Variants in AGTPBP1 observed in about 807,000 individuals in gnomAD.
The protein encoded by AGTPBP1 is ATP/GTP binding carboxypeptidase 1.
A neutral mutation model predicts 143.9 loss-of-function variants in AGTPBP1; 70 were observed. The ratio of observed to expected loss-of-function variants is 0.49; its 90% CI spans 0.40 to 0.59. The LOEUF (loss-of-function observed/expected upper bound fraction) is 0.59. AGTPBP1 is among the 20% of genes least tolerant of loss of function. The pLI is 0.00. For missense variants in AGTPBP1, 1,229 were observed against 1,464.5 expected, an observed-to-expected ratio of 0.84 and a Z score of 2.62; for synonymous variants, 463 against 500.2, an observed-to-expected ratio of 0.93 and a Z score of 0.99.
At chr9:85,746,508 A>C (rs1377705877), upstream of AGTPBP1, among the ~76,000 whole-genome samples, 1 of 152,152 alleles carries the variant, frequency 6.6e-6, no homozygotes, top group Admixed American at 6.6e-5. Flanking sequence ...GCATGCCTGT[A>C]GTCCTAGCTA....
intron 2 of AGTPBP1, among the ~76,000 whole-genome samples, chr9:85,696,015 T>C (rs1235102891): frequency 6.6e-6 from 1 of 152,156 alleles, no homozygotes; most frequent in African/African-American, 2.4e-5. Flanking sequence ...CTAATTTTTA[T>C]ATTTTTAGTA....
intron 13 of AGTPBP1, among the ~76,000 whole-genome samples, chr9:85,633,612 C>T (rs1443923069): frequency 1.3e-5 from 2 of 152,058 alleles, no homozygotes; most frequent in Non-Finnish European, 2.9e-5. Flanking sequence ...GAATTCTAAA[C>T]AGAAAAACAT....
intron 1 of AGTPBP1, among the ~76,000 whole-genome samples, chr9:85,740,943 T>C (rs1824216698): frequency 6.6e-6 from 1 of 152,306 alleles, no homozygotes; most frequent in African/African-American, 2.4e-5. Context: ...GAAAACTCCA[T>C]TCTACAATGA....
At chr9:85,686,657 A>G (rs1835505025) in intron 3 of AGTPBP1, among the ~76,000 whole-genome samples, 1 of 152,192 alleles carries the variant, frequency 6.6e-6, no homozygotes, top group South Asian at 2.1e-4. Context: ...TCTAATATGT[A>G]TAAACATAAC....
chr9:85,726,881 G>T (rs1258296328), intron 1 of AGTPBP1, among the ~76,000 whole-genome samples: 1 of 152,138 alleles, frequency 6.6e-6, no homozygotes, highest in East Asian at 1.9e-4. Context: ...CACACAATTG[G>T]TGGTGAGAAT....
chr9:85,775,019 T>G, the AGTPBP1 span, among the ~76,000 whole-genome samples: 1 of 152,174 alleles, frequency 6.6e-6, no homozygotes, highest in Admixed American at 6.5e-5. Context: ...ATATAAAAAC[T>G]TGGCCAAACA....
intron 20 of AGTPBP1, 120 bp from the exon 21 acceptor site, chr9:85,588,598 C>A: frequency 1.0e-6 from 1 of 967,508 alleles, no homozygotes; most frequent in Non-Finnish European, 1.5e-6. Flanking sequence ...ATTAATAGAA[C>A]CCAATGGTGC....
intron 11 of AGTPBP1, among the ~76,000 whole-genome samples, chr9:85,650,090 C>T (rs1254487175): frequency 1.6e-5 from 2 of 128,998 alleles, no homozygotes; most frequent in Non-Finnish European, 3.1e-5. Flanking sequence ...AAGTGTAGGA[C>T]AATTTCTTGA....
the AGTPBP1 span, chr9:85,753,391 G>T: frequency 6.4e-5 from 104 of 1,613,690 alleles, no homozygotes; most frequent in Non-Finnish European, 8.4e-5. Flanking sequence ...AGGAGAAAAG[G>T]TTCGTTTGGA....
chr9:85,785,006 G>A, the AGTPBP1 span, among the ~76,000 whole-genome samples: 1 of 152,164 alleles, frequency 6.6e-6, no homozygotes, highest in Non-Finnish European at 1.5e-5. Flanking sequence ...CTTGAGAGCT[G>A]CCAATGTGCA....
At chr9:85,579,581 TTGTG>T (rs34698411) in intron 23 of AGTPBP1, among the ~76,000 whole-genome samples, 2,501 of 143,964 alleles carry the variant, frequency 0.017, 32 homozygotes, top group Middle Eastern at 0.056. Context: ...CCCTGAGAAA[TTGTG>T]TGTGTGTGTG....
intron 24 of AGTPBP1, among the ~76,000 whole-genome samples, chr9:85,575,848 T>C (rs1827864258): frequency 6.6e-6 from 1 of 152,218 alleles, no homozygotes; most frequent in African/African-American, 2.4e-5. Flanking sequence ...CTTCGTATGC[T>C]AATGTTGAAA....
chr9:85,733,294 A>G (rs1839010688), intron 1 of AGTPBP1, among the ~76,000 whole-genome samples: 4 of 152,212 alleles, frequency 2.6e-5, no homozygotes, highest in Admixed American at 2.0e-4. Context: ...CCAACCTCAC[A>G]ACAGGATTAA....
At chr9:85,673,150 A>T (rs891908129) in intron 6 of AGTPBP1, among the ~76,000 whole-genome samples, 26 of 152,230 alleles carry the variant, frequency 1.7e-4, no homozygotes, top group Non-Finnish European at 1.5e-5. Context: ...ATAAAATTAT[A>T]ATCCTTTTTT....
At chr9:85,611,218 T>G (rs914700894) in intron 17 of AGTPBP1, among the ~76,000 whole-genome samples, 2 of 140,976 alleles carry the variant, frequency 1.4e-5, no homozygotes, top group Non-Finnish European at 3.0e-5. Context: ...AGTGTCACAC[T>G]AAATAAAAAA....
At position 85,547,422 on chromosome 9, in the gene AGTPBP1, T is replaced by C. The variant is rs112407525; in HGVS notation, c.3504-136A>G. 3.0e-3 allele frequency: 2,104 copies of C among 692,924 alleles called. 38 individuals are homozygous for C. The African/African-American group carries it at 0.035, about 11-fold the overall frequency. The allele number at this position is 692,924 out of a possible 1,614,324, so 42.9% of individuals were successfully genotyped here. ...ATTAACTTTAAAAATCTTATCCAAA[T>C]GAACAAGTTGAAATTTATAATAGGT... On this transcript the variant is annotated intron_variant, in intron 25 of 25. Coordinates refer to ENST00000357081, the MANE Select transcript of AGTPBP1 (RefSeq NM_001330701.2).
At chr9:85,713,833 T>C (rs1837534582) in intron 1 of AGTPBP1, among the ~76,000 whole-genome samples, 2 of 152,258 alleles carry the variant, frequency 1.3e-5, no homozygotes. Context: ...TGAGAAATTT[T>C]AAATTGTAAT....
chr9:85,666,969 A>G (rs900475434), intron 8 of AGTPBP1, among the ~76,000 whole-genome samples: 11 of 152,064 alleles, frequency 7.2e-5, no homozygotes, highest in South Asian at 6.2e-4. Flanking sequence ...CAACCTTATA[A>G]TAGAGATGCT....
the AGTPBP1 span, among the ~76,000 whole-genome samples, chr9:85,800,367 T>A: frequency 2.6e-5 from 4 of 152,146 alleles, no homozygotes; most frequent in African/African-American, 9.7e-5. Flanking sequence ...CTTTCCAGGG[T>A]GCTGTGACAT....
Sources: allele counts gnomAD v4.1 joint callset (sites outside exome capture counted in the v4.1 genomes callset), GRCh38; gene constraint gnomAD v4.1.1; transcripts MANE v1.5; gene names NCBI Gene and HGNC (gene_info 2026-07-23, HGNC 2026-07-21).